Variants in PLCL2 observed in about 807,000 individuals in gnomAD.
The protein encoded by PLCL2 is phospholipase C like 2.
Under a neutral mutation model 79.6 loss-of-function variants are expected in PLCL2, and 4 were observed. The observed-to-expected ratio is 0.05, with a 90% CI of 0.02 to 0.11. The LOEUF is 0.11. Ranked by LOEUF, PLCL2 falls within the 10% of genes least tolerant of loss-of-function variation. The pLI is 1.00. For missense variants in PLCL2, 895 were observed against 1,291.0 expected, an observed-to-expected ratio of 0.69 and a Z score of 4.70; for synonymous variants, 484 against 457.7, an observed-to-expected ratio of 1.06 and a Z score of -0.73.
intron 1 of PLCL2, among the ~76,000 whole-genome samples, chr3:16,945,984 C>G (rs2063596633): frequency 6.6e-6 from 1 of 152,192 alleles, no homozygotes; most frequent in Non-Finnish European, 1.5e-5. Context: ...CATCGGATCC[C>G]TTTGTTAGCC....
chr3:16,920,642 T>A (rs963360076), intron 1 of PLCL2, among the ~76,000 whole-genome samples: 3 of 152,154 alleles, frequency 2.0e-5, no homozygotes, highest in African/African-American at 4.8e-5. Flanking sequence ...AGGGAGGGCA[T>A]ACTTAAAGAA....
chr3:16,941,512 C>T (rs1310198442), intron 1 of PLCL2, among the ~76,000 whole-genome samples: 5 of 152,154 alleles, frequency 3.3e-5, no homozygotes, highest in East Asian at 1.9e-4. Flanking sequence ...CCCCATGCAT[C>T]GCCTGTCACA....
At chr3:16,949,823 T>A (rs2063634665) in intron 1 of PLCL2, among the ~76,000 whole-genome samples, 1 of 152,222 alleles carries the variant, frequency 6.6e-6, no homozygotes, top group African/African-American at 2.4e-5. Context: ...TGTGTGTGAC[T>A]TGTGTGAAAA....
At position 17,009,734 on chromosome 3, in the gene PLCL2, GAGA is replaced by G; in HGVS notation, c.395_397del (p.Lys132del). Reference sequence around the variant, plus strand: ...AGTCTCATTCAGCAGCATGCCAACAGAGAAGAAGATCAGCAGTGCAAGTGATTG... The same window carrying G: ...AGTCTCATTCAGCAGCATGCCAACAGAGAAGATCAGCAGTGCAAGTGATTG... On this transcript the variant is annotated inframe_deletion, in exon 2 of 6. Coordinates refer to ENST00000615277, the MANE Select transcript of PLCL2 (RefSeq NM_001144382.2). The surrounding 1 kb of genome is among the most constrained non-coding windows in gnomAD (Gnocchi z 4.0). 1 of 1,612,006 alleles carries G rather than the reference GAGA, an allele frequency of 6.2e-7. No individual in the cohort carries two copies. The highest frequency in any genetic ancestry group is 8.5e-7 in the Non-Finnish European group (1 of 1,178,166).
intron 3 of PLCL2, among the ~76,000 whole-genome samples, chr3:17,036,501 C>T (rs1247610348): frequency 1.3e-5 from 2 of 152,152 alleles, no homozygotes; most frequent in Non-Finnish European, 2.9e-5. Flanking sequence ...TTCACCCGCA[C>T]AGTAATAATT....
intron 1 of PLCL2, among the ~76,000 whole-genome samples, chr3:16,889,677 G>A (rs1026509866): frequency 7.2e-5 from 11 of 152,312 alleles, no homozygotes; most frequent in African/African-American, 2.6e-4. Context: ...TGGACAACAA[G>A]CAGCCTTTTC....
chr3:17,010,209 C>T lies in PLCL2; in HGVS notation c.863C>T (p.Thr288Ile). 6.2e-7 allele frequency: 1 copy of T among 1,614,086 alleles called. No individual in the cohort carries two copies. Among genetic ancestry groups the T allele is most frequent in the Non-Finnish European group, 8.5e-7 (1 of 1,179,944 alleles). ...GATGTAGATAACCTTGGACATATAA[C>T]TCTGTGTAATGCTGTGCAATGTATC... ...EIDVDNLGHI[T>I]LCNAVQCIRN... Residue 288 changes from threonine (T) to isoleucine (I), a missense_variant, in exon 2 of 6, where the codon ACT becomes ATT. By Grantham distance (89) the Thr-to-Ile change is moderately conservative. Coordinates refer to ENST00000615277, the MANE Select transcript of PLCL2 (RefSeq NM_001144382.2). This position sits in a 1 kb window ranked among gnomAD's most constrained non-coding sequence, Gnocchi z 5.8.
At chr3:16,921,489 T>C (rs1198410869) in intron 1 of PLCL2, among the ~76,000 whole-genome samples, 2 of 152,152 alleles carry the variant, frequency 1.3e-5, no homozygotes, top group East Asian at 3.8e-4. Flanking sequence ...ACACATGAGC[T>C]GAGAATAATC....
intron 1 of PLCL2, among the ~76,000 whole-genome samples, chr3:16,924,439 C>A (rs1238741266): frequency 6.6e-6 from 1 of 152,298 alleles, no homozygotes; most frequent in Non-Finnish European, 1.5e-5. Context: ...ATACCAGAAA[C>A]AACTCTAGTC....
intron 3 of PLCL2, among the ~76,000 whole-genome samples, chr3:17,036,844 G>A (rs1004393451): frequency 2.0e-5 from 3 of 152,202 alleles, no homozygotes; most frequent in Non-Finnish European, 4.4e-5. Context: ...TCAGTATCTG[G>A]TGAAGGTCTT....
intron 5 of PLCL2, among the ~76,000 whole-genome samples, chr3:17,078,461 T>A (rs1027807679): frequency 6.6e-6 from 1 of 152,044 alleles, no homozygotes; most frequent in African/African-American, 2.4e-5. Context: ...TGGGCTTTTT[T>A]TTTTTATAGC....
chr3:16,969,309 T>C (rs2063835340), intron 1 of PLCL2, among the ~76,000 whole-genome samples: 1 of 152,132 alleles, frequency 6.6e-6, no homozygotes, highest in Non-Finnish European at 1.5e-5. Context: ...ATAGTTTCAG[T>C]AGAAATGATA....
At chr3:16,974,138 G>A (rs1384161700) in intron 1 of PLCL2, among the ~76,000 whole-genome samples, 1 of 152,196 alleles carries the variant, frequency 6.6e-6, no homozygotes, top group Non-Finnish European at 1.5e-5. Context: ...GGCAGGGCAT[G>A]AGCCAGGACT....
intron 3 of PLCL2, among the ~76,000 whole-genome samples, chr3:17,021,358 G>T (rs913669101): frequency 6.6e-6 from 1 of 152,148 alleles, no homozygotes; most frequent in Non-Finnish European, 1.5e-5. Flanking sequence ...CAAGCCAGTG[G>T]AAGTGAAAAT....
intron 1 of PLCL2, among the ~76,000 whole-genome samples, chr3:17,006,732 C>T (rs1175082998): frequency 6.6e-6 from 1 of 152,182 alleles, no homozygotes; most frequent in African/African-American, 2.4e-5. Context: ...AACCAGAAGT[C>T]TCCATTCAAA....
chr3:17,005,499 G>A (rs2064252767), intron 1 of PLCL2, among the ~76,000 whole-genome samples: 3 of 152,114 alleles, frequency 2.0e-5, no homozygotes, highest in Non-Finnish European at 4.4e-5. Flanking sequence ...AATAAAGTAG[G>A]CAGTTATGTT....
chr3:17,039,967 C>T (rs942826893), intron 3 of PLCL2, among the ~76,000 whole-genome samples: 1 of 152,216 alleles, frequency 6.6e-6, no homozygotes, highest in African/African-American at 2.4e-5. Flanking sequence ...ACAAGTGCTT[C>T]ACCATTAAAT....
intron 3 of PLCL2, among the ~76,000 whole-genome samples, chr3:17,021,418 T>A (rs888598635): frequency 3.9e-5 from 6 of 152,128 alleles, no homozygotes; most frequent in Admixed American, 3.9e-4. Context: ...TATTATCAGA[T>A]GAGAAGTACC....
chr3:17,090,117 A>G lies in PLCL2; in HGVS notation c.*205A>G. The stretch of plus-strand genomic sequence containing the variant: ...AATAAACTCTTTAACAGGCAATTAT[A>G]TTGCTGGCCAAAATATGCTATATTT... On this transcript the variant is annotated 3_prime_UTR_variant, in exon 6 of 6. Coordinates refer to ENST00000615277, the MANE Select transcript of PLCL2 (RefSeq NM_001144382.2). 7.8e-7 allele frequency: 1 copy of G among 1,277,794 alleles called. No individual in the cohort carries two copies. Among genetic ancestry groups the G allele is most frequent in the African/African-American group, 1.5e-5 (1 of 66,058 alleles). 79.2% of individuals were successfully genotyped at this position (1,277,794 alleles called of 1,614,324 possible).
Sources: gnomAD v4.1 joint callset for allele counts (sites outside exome capture counted in the v4.1 genomes callset) on GRCh38, gnomAD v4.1.1 for gene constraint, Gnocchi (gnomAD v3.1) non-coding constraint, MANE v1.5 for transcripts, NCBI Gene and HGNC (gene_info 2026-07-23, HGNC 2026-07-21) for gene names.